DNMBP: variants seen among roughly 807,000 people sequenced by gnomAD.
DNMBP encodes dynamin-binding protein.
In DNMBP, 87 loss-of-function variants were observed where a neutral mutation model predicts 150.0. The ratio of observed to expected loss-of-function variants is 0.58; its 90% CI spans 0.49 to 0.69. The LOEUF (loss-of-function observed/expected upper bound fraction) is 0.69, where lower values mean the gene tolerates loss of function less well. DNMBP is among the 30% of genes least tolerant of loss of function. The pLI, the probability that DNMBP is intolerant of heterozygous loss-of-function variation, is 0.00. For missense variants in DNMBP, 1,774 were observed against 1,949.0 expected (o/e 0.91, Z 1.69); for synonymous variants, 711 against 750.4 (o/e 0.95, Z 0.86).
Position 99,972,059 on chromosome 10 carries a change from C to T in DNMBP, c.66G>A (p.Pro22=), listed in dbSNP as rs774434499. 2.5e-5 allele frequency: 41 copies of T among 1,613,802 alleles called. No homozygotes were observed. Among genetic ancestry groups the T allele is most frequent in the Non-Finnish European group, 3.3e-5 (39 of 1,179,990 alleles). The change falls in exon 2 of 17, where the codon CCG becomes CCA. Residue 22 remains proline (P), a synonymous_variant. Coordinates refer to ENST00000324109, the MANE Select transcript of DNMBP (RefSeq NM_015221.4). ...DFCPSVSEEL[P]LFVGDIIEVL... ...CCTCAATAATATCTCCCACAAAGAG[C>T]GGCAGTTCTTCTGATACGCTAGGGC...
chr10:99,953,636 GT>G (rs2040447862), intron 4 of DNMBP, among the ~76,000 whole-genome samples: 1 of 152,014 alleles, frequency 6.6e-6, no homozygotes, highest in South Asian at 2.1e-4. Flanking sequence ...CCTGGGCAAT[GT>G]GACAAAACCC....
At chr10:99,971,871 TTTAA>T in intron 2 of DNMBP, 105 bp downstream of exon 2, 1 of 978,888 alleles carries the variant, frequency 1.0e-6, no homozygotes, top group Non-Finnish European at 1.5e-6. Context: ...TTTTTTTTTT[TTTAA>T]GACAGGGTCT....
intron 10 of DNMBP, among the ~76,000 whole-genome samples, chr10:99,895,419 C>T (rs947288653): frequency 7.9e-5 from 12 of 152,248 alleles, no homozygotes; most frequent in African/African-American, 1.9e-4. Context: ...TGAGCCACCA[C>T]GCCCAGCCAA....
intron 1 of DNMBP, among the ~76,000 whole-genome samples, chr10:99,981,291 C>G (rs1049037430): frequency 6.6e-6 from 1 of 152,270 alleles, no homozygotes; most frequent in East Asian, 1.9e-4. Context: ...AAGTAACTCT[C>G]GTGCCTCAGC....
At chr10:100,005,949 C>G (rs190223584) in intron 1 of DNMBP, among the ~76,000 whole-genome samples, 1 of 152,246 alleles carries the variant, frequency 6.6e-6, no homozygotes, top group African/African-American at 2.4e-5. Flanking sequence ...CAAGGGAATT[C>G]TACAACAAAA....
intron 4 of DNMBP, among the ~76,000 whole-genome samples, chr10:99,921,284 T>C (rs924685672): frequency 6.6e-6 from 1 of 152,250 alleles, no homozygotes; most frequent in African/African-American, 2.4e-5. Flanking sequence ...AGCTTCTCCA[T>C]GACACTTTCT....
chr10:99,923,455 C>T (rs776001661), intron 4 of DNMBP, among the ~76,000 whole-genome samples: 3 of 152,128 alleles, frequency 2.0e-5, no homozygotes, highest in Non-Finnish European at 4.4e-5. Context: ...ATCTCTCTTA[C>T]TGCCTTCCTC....
intron 6 of DNMBP, among the ~76,000 whole-genome samples, chr10:99,904,301 C>CA (rs1168678925): frequency 6.6e-6 from 1 of 151,852 alleles, no homozygotes; most frequent in Non-Finnish European, 1.5e-5. Context: ...CACAGACATA[C>CA]ACAGAAACAC....
chr10:99,937,754 C>A (rs2040250036), intron 4 of DNMBP, among the ~76,000 whole-genome samples: 1 of 152,190 alleles, frequency 6.6e-6, no homozygotes, highest in Non-Finnish European at 1.5e-5. Flanking sequence ...GGCAGTGACA[C>A]ACAAGACAGC....
At chr10:99,983,326 C>T (rs929746091) in intron 1 of DNMBP, among the ~76,000 whole-genome samples, 3 of 152,162 alleles carry the variant, frequency 2.0e-5, no homozygotes, top group Non-Finnish European at 4.4e-5. Context: ...TCATACAAGA[C>T]AACACGAAGG....
intron 14 of DNMBP, 31 bp downstream of exon 14, chr10:99,885,656 G>T: frequency 6.5e-7 from 1 of 1,538,618 alleles, no homozygotes; most frequent in Non-Finnish European, 8.8e-7. Flanking sequence ...TTACCCCGAG[G>T]CGGGGCTGCT....
At chr10:99,991,707 C>A (rs1037691431) in intron 1 of DNMBP, among the ~76,000 whole-genome samples, 2 of 151,624 alleles carry the variant, frequency 1.3e-5, no homozygotes, top group Admixed American at 1.3e-4. Context: ...GAGATCGAGA[C>A]CATCCTGGCT....
chr10:99,982,473 A>C (rs2040789154), intron 1 of DNMBP, among the ~76,000 whole-genome samples: 1 of 151,898 alleles, frequency 6.6e-6, no homozygotes, highest in Non-Finnish European at 1.5e-5. Flanking sequence ...AAATAATAAA[A>C]TAAAATAAAG....
In DNMBP at chr10:99,956,770, A is replaced by C. The variant is rs2040501938; in HGVS notation, c.704T>G (p.Ile235Arg). The C allele has an allele frequency of 2.5e-6, 4 of 1,614,110 alleles. No individual in the cohort carries two copies. The highest frequency in any genetic ancestry group is 3.4e-6 in the Non-Finnish European group (4 of 1,180,018). The stretch of plus-strand genomic sequence containing the variant: ...CTCCTCCTCATCCTCATCCGGCCCT[A>C]TCTCTTCTTCTCCTACAGGGGTATC... ...EVDTPVGEEE[I>R]GPDEDEEEPG... The change falls in exon 4 of 17, where the codon ATA (isoleucine) becomes AGA (arginine). Residue 235 changes from isoleucine (I) to arginine (R), a missense_variant. Physicochemically the swap from Ile to Arg is moderately conservative, Grantham distance 97. Around this residue, in one of 2 missense-constraint regions of DNMBP, gnomAD observed 344 missense variants for 456.6 expected, o/e 0.75. Transcript: ENST00000324109.
chr10:99,990,299 T>A (rs756498552), intron 1 of DNMBP, among the ~76,000 whole-genome samples: 13 of 152,108 alleles, frequency 8.5e-5, no homozygotes, highest in South Asian at 6.2e-4. Flanking sequence ...ATGCCTGTAA[T>A]CCCAGCACTT....
Position 99,956,361 on chromosome 10 carries a change from G to C in DNMBP, c.1113C>G (p.Asp371Glu). 1.2e-6 allele frequency: 2 copies of C among 1,614,040 alleles called. No individual in the cohort carries two copies. Among genetic ancestry groups the C allele is most frequent in the Non-Finnish European group, 1.7e-6 (2 of 1,180,020 alleles). ...LGHLTSEYDT[D>E]RNSYQDEDTA... ...TGTCCTCGTCCTGATAAGAGTTTCT[G>C]TCTGTGTCATACTCTGAAGTCAGAT... Residue 371 changes from aspartate to glutamate, a missense_variant, in exon 4 of 17, where the codon GAC becomes GAG. Physicochemically the swap from Asp to Glu is conservative, Grantham distance 45. Around this residue, in one of 2 missense-constraint regions of DNMBP, gnomAD observed 1,430 missense variants for 1,492.5 expected, o/e 0.96. Coordinates refer to ENST00000324109, the MANE Select transcript of DNMBP (RefSeq NM_015221.4).
Position 99,885,892 on chromosome 10 carries a change from T to G in DNMBP, c.3619-26A>C, listed in dbSNP as rs878878763. On this transcript the variant is annotated intron_variant, in intron 13 of 16. Transcript: ENST00000324109. ...CTGGGGTCCATGGGAAGAGCAGAGA[T>G]AGAGAAAAGAAGAAAACACGATAAA... 18 of 1,571,924 alleles carry G rather than the reference T, an allele frequency of 1.1e-5. No homozygotes were observed. In the South Asian group the frequency reaches 1.7e-4, roughly 15 times the overall value.
At chr10:99,900,857 G>A (rs1160071174) in intron 6 of DNMBP, among the ~76,000 whole-genome samples, 1 of 152,114 alleles carries the variant, frequency 6.6e-6, no homozygotes, top group Non-Finnish European at 1.5e-5. Flanking sequence ...ACATTTTTGT[G>A]CATAAATAAG....
intron 4 of DNMBP, among the ~76,000 whole-genome samples, chr10:99,931,518 C>T (rs1021210621): frequency 2.0e-5 from 3 of 152,126 alleles, no homozygotes; most frequent in Non-Finnish European, 2.9e-5. Flanking sequence ...AACATTCTTC[C>T]CAGAATGGAG....
Sources: allele counts gnomAD v4.1 joint callset (sites outside exome capture counted in the v4.1 genomes callset), GRCh38; gene constraint gnomAD v4.1.1; regional missense constraint gnomAD v4.1.1; transcripts MANE v1.5; gene names NCBI Gene and HGNC (gene_info 2026-07-23, HGNC 2026-07-21).